SMOC1: variants seen among roughly 807,000 people sequenced by gnomAD.
SMOC1 encodes the protein SPARC related modular calcium binding 1, also known as SPARC-related modular calcium-binding protein 1.
Under a neutral mutation model 56.3 loss-of-function variants are expected in SMOC1, and 22 were observed. That is an observed-to-expected ratio of 0.39 (90% CI 0.28 to 0.56). The LOEUF (loss-of-function observed/expected upper bound fraction) is 0.56, where lower values mean the gene tolerates loss of function less well. Ranked by LOEUF, SMOC1 falls within the 20% of genes least tolerant of loss-of-function variation. SMOC1 has a pLI of 0.61. For synonymous variants in SMOC1, 193 were observed against 215.0 expected (o/e 0.90, Z 0.89); for missense variants, 509 against 565.4 (o/e 0.90, Z 1.01).
rs145634582 is a variant in SMOC1, at chr14:69,883,198, A to G, written c.99+3421A>G. ...AGGATACAATAACTTGTCATTAACT[A>G]TAGTCACTTTGAATAGATCTCTTGA... is the stretch of plus-strand genomic sequence containing the variant. On this transcript the variant is annotated intron_variant, in intron 1 of 11. Coordinates refer to ENST00000361956, the MANE Select transcript of SMOC1 (RefSeq NM_001034852.3). Among the ~76,000 whole-genome samples the G allele has an allele frequency of 2.4e-3, 373 of 152,314 alleles. 1 individual carries two copies. Among genetic ancestry groups the G allele is most frequent in the South Asian group, 3.5e-3 (17 of 4,824 alleles).
chr14:70,004,214 C>T (rs1885070189), intron 7 of SMOC1, among the ~76,000 whole-genome samples: 1 of 152,194 alleles, frequency 6.6e-6, no homozygotes, highest in South Asian at 2.1e-4. Flanking sequence ...GGCTCTTCTT[C>T]AGTTCTTCCG....
chr14:69,972,188 C>A (rs528092967), intron 3 of SMOC1, among the ~76,000 whole-genome samples: 4 of 152,270 alleles, frequency 2.6e-5, no homozygotes, highest in African/African-American at 9.6e-5. Flanking sequence ...AGTGGCGGAG[C>A]TGGGAGGTGC....
At chr14:69,961,481 A>T (rs1262764026) in intron 3 of SMOC1, among the ~76,000 whole-genome samples, 1 of 151,484 alleles carries the variant, frequency 6.6e-6, no homozygotes, top group African/African-American at 2.4e-5. Flanking sequence ...CCTGGTCTCA[A>T]TTGATCCTCC....
chr14:70,001,540 A>C (rs1435109233), intron 7 of SMOC1, among the ~76,000 whole-genome samples: 2 of 152,174 alleles, frequency 1.3e-5, no homozygotes, highest in African/African-American at 4.8e-5. Context: ...GTTTACCTAC[A>C]GACCTAATAC....
intron 1 of SMOC1, among the ~76,000 whole-genome samples, chr14:69,907,314 T>G (rs2139338144): frequency 6.6e-6 from 1 of 152,362 alleles, no homozygotes; most frequent in South Asian, 2.1e-4. Flanking sequence ...ACCTACTACA[T>G]GGAATCTTAG....
At chr14:69,953,094 C>T (rs1054447774) in intron 2 of SMOC1, among the ~76,000 whole-genome samples, 2 of 152,198 alleles carry the variant, frequency 1.3e-5, no homozygotes, top group African/African-American at 4.8e-5. Flanking sequence ...GGTTGAGCCC[C>T]TGTTAGGCTT....
At chr14:69,911,894 G>A (rs923209982) in intron 1 of SMOC1, among the ~76,000 whole-genome samples, 1 of 152,188 alleles carries the variant, frequency 6.6e-6, no homozygotes, top group African/African-American at 2.4e-5. Context: ...GGGTCATATG[G>A]TAAATGTATG....
chr14:69,885,676 C>T, intron 1 of SMOC1: 1 of 1,450,888 alleles, frequency 6.9e-7, no homozygotes, highest in Admixed American at 1.7e-5. Flanking sequence ...GTGAAATCAC[C>T]ACCAGCTGAG....
At chr14:69,971,612 C>T (rs1883765827) in intron 3 of SMOC1, among the ~76,000 whole-genome samples, 1 of 152,110 alleles carries the variant, frequency 6.6e-6, no homozygotes. Flanking sequence ...AAAAGTTGAC[C>T]AACTTGAGGC....
At chr14:69,999,829 G>T (rs746684678) in intron 7 of SMOC1, among the ~76,000 whole-genome samples, 1 of 152,092 alleles carries the variant, frequency 6.6e-6, no homozygotes, top group South Asian at 2.1e-4. Context: ...TTTCCTGGTC[G>T]CCTTGCTCCT....
At chr14:69,889,545 C>T (rs1003232635) in intron 1 of SMOC1, among the ~76,000 whole-genome samples, 2 of 152,182 alleles carry the variant, frequency 1.3e-5, no homozygotes, top group African/African-American at 2.4e-5. Context: ...CTTAGGTCCT[C>T]TGTTCCCTGA....
At chr14:70,011,685 G>A (rs958134826) in intron 9 of SMOC1, 118 bp downstream of exon 9, 19 of 936,308 alleles carry the variant, frequency 2.0e-5, no homozygotes, top group Non-Finnish European at 1.4e-5. Context: ...ATGGAGCCAG[G>A]AGCCGTGGGA....
chr14:69,985,897 C>T (rs227438), intron 5 of SMOC1, among the ~76,000 whole-genome samples: 94,154 of 152,056 alleles, frequency 0.62, 29,905 homozygotes, highest in African/African-American at 0.74. Context: ...TCATCTATAC[C>T]GTGCCTAATT....
intron 1 of SMOC1, among the ~76,000 whole-genome samples, chr14:69,950,310 C>G (rs551569799): frequency 6.6e-6 from 1 of 152,176 alleles, no homozygotes. Flanking sequence ...TGGACAGGTT[C>G]GGGCCCTCTT....
chr14:69,978,887 C>G (rs371110784), intron 5 of SMOC1, among the ~76,000 whole-genome samples: 68 of 152,024 alleles, frequency 4.5e-4, no homozygotes, highest in African/African-American at 1.6e-3. Context: ...AATATGCTGA[C>G]CATAGTTTTT....
At chr14:69,980,779 A>G (rs1418747607) in intron 5 of SMOC1, among the ~76,000 whole-genome samples, 1 of 152,148 alleles carries the variant, frequency 6.6e-6, no homozygotes, top group Non-Finnish European at 1.5e-5. Context: ...TGCTGCAAAG[A>G]GGTGCTGGGT....
At chr14:69,933,877 A>G (rs1312366766) in intron 1 of SMOC1, among the ~76,000 whole-genome samples, 5 of 152,228 alleles carry the variant, frequency 3.3e-5, no homozygotes, top group African/African-American at 1.2e-4. Flanking sequence ...ACCAATATCT[A>G]GAATCCTTGC....
chr14:69,950,745 T>A (rs1477783577), intron 1 of SMOC1, among the ~76,000 whole-genome samples: 1 of 152,262 alleles, frequency 6.6e-6, no homozygotes, highest in African/African-American at 2.4e-5. Context: ...GCCCAATTAT[T>A]GTTCTCCAAC....
In SMOC1 at chr14:69,920,053, G is replaced by T. The variant is rs74762254; in HGVS notation, c.100-32085G>T. Among the ~76,000 whole-genome samples, 12 of 152,188 alleles carry T rather than the reference G, an allele frequency of 7.9e-5. No homozygotes were observed. The East Asian group carries it at 2.3e-3, about 29-fold the overall frequency. On this transcript the variant is annotated intron_variant, in intron 1 of 11. Coordinates refer to ENST00000361956, the MANE Select transcript of SMOC1 (RefSeq NM_001034852.3). ...TCTCTCCTTGGCAGTTGCCTAGGCT[G>T]TTGCTATGGACTGGATTTAGTAAAG...
Sources: allele counts gnomAD v4.1 joint callset (sites outside exome capture counted in the v4.1 genomes callset), GRCh38; gene constraint gnomAD v4.1.1; transcripts MANE v1.5; gene names NCBI Gene and HGNC (gene_info 2026-07-23, HGNC 2026-07-21).